DSG3: variants seen among roughly 807,000 people sequenced by gnomAD.
DSG3 encodes desmoglein 3, also known as desmoglein-3.
A neutral mutation model predicts 85.9 loss-of-function variants in DSG3; 63 were observed. The ratio of observed to expected loss-of-function variants is 0.73; its 90% CI spans 0.60 to 0.90. The LOEUF (loss-of-function observed/expected upper bound fraction) is 0.90, where lower values mean the gene tolerates loss of function less well. DSG3 is among the 40% of genes least tolerant of loss of function. The probability of loss-of-function intolerance (pLI) is 0.00; values close to 1 mark genes in which losing one functional copy is unlikely to be tolerated. For missense variants in DSG3, 1,220 were observed against 1,219.9 expected (o/e 1.00, Z 0.00); for synonymous variants, 447 against 441.9 (o/e 1.01, Z -0.14).
chr18:31,476,514 C>A lies in DSG3; in HGVS notation c.*254C>A. The stretch of plus-strand genomic sequence containing the variant: ...TTCAAAACCCTAAAATCATATTCGC[C>A]AGGAAATTTTCCTAAACATTCTTAA... On this transcript the variant is annotated 3_prime_UTR_variant, in exon 16 of 16. Coordinates refer to ENST00000257189, the MANE Select transcript of DSG3 (RefSeq NM_001944.3). 2.7e-6 allele frequency: 1 copy of A among 365,988 alleles called. No individual in the cohort carries two copies. The allele number at this position is 365,988 out of a possible 1,614,324, so 22.7% of individuals were successfully genotyped here.
rs560542203 is a variant in DSG3, at chr18:31,460,725, T to G, written c.685-108T>G. The G allele has an allele frequency of 1.2e-5, 12 of 1,038,466 alleles. No homozygotes were observed. The South Asian group carries it at 1.9e-4, about 16-fold the overall frequency. 64.3% of individuals were successfully genotyped at this position (1,038,466 alleles called of 1,614,324 possible). A position where few individuals can be genotyped will look rare whatever the true frequency, so the allele number is the denominator to read the frequency against. On this transcript the variant is annotated intron_variant, in intron 6 of 15. Transcript: ENST00000257189. ...ACCATCCAGAGTCCCACAAATGTCT[T>G]CTACATAAAATTGAATATTTCTACC...
rs2072782133 is a variant in DSG3 at position 31,461,066 on chromosome 18, C to T, written c.813+105C>T. The stretch of plus-strand genomic sequence containing the variant: ...TTGGCTTTTATTTAAGTTCTCTGCA[C>T]TTATCTTTAAAGAAATATGCTTTTT... On this transcript the variant is annotated intron_variant, in intron 7 of 15. Transcript: ENST00000257189. The T allele has an allele frequency of 2.3e-6, 3 of 1,296,604 alleles. No homozygotes were observed. In the South Asian group the frequency reaches 5.0e-5, roughly 22 times the overall value. The allele number at this position is 1,296,604 out of a possible 1,614,324, so 80.3% of individuals were successfully genotyped here.
chr18:31,469,256 A>G lies in DSG3; in HGVS notation c.1804A>G (p.Thr602Ala), dbSNP rs1425421974. 1.2e-6 allele frequency: 2 copies of G among 1,613,978 alleles called. No homozygotes were observed. The highest frequency in any genetic ancestry group is 1.7e-6 in the Non-Finnish European group (2 of 1,180,020). ...CATCTGTGGAACTTCTTACCCAACC[A>G]CAAGCCCTGGGACCAGGTATGGCAG... is the stretch of plus-strand genomic sequence containing the variant. ...RGICGTSYPT[T>A]SPGTRYGRPH... The change falls in exon 12 of 16, where the codon ACA becomes GCA. Residue 602 changes from threonine to alanine, a missense_variant. Transcript: ENST00000257189.
At position 31,476,143 on chromosome 18, in the gene DSG3, G is replaced by A; in HGVS notation, c.2883G>A (p.Val961=). Residue 961 remains valine, a synonymous_variant, in exon 16 of 16, where the codon GTG becomes GTA. Coordinates refer to ENST00000257189, the MANE Select transcript of DSG3 (RefSeq NM_001944.3). ...CACTTCTCACACAAAATGTGATAGT[G>A]ACAGAAAGGGTGATCTGTCCCATTT... ...FDPLLTQNVI[V]TERVICPISS... 1 of 1,614,174 alleles carries A rather than the reference G, an allele frequency of 6.2e-7. No individual in the cohort carries two copies. The highest frequency in any genetic ancestry group is 2.2e-5 in the East Asian group (1 of 44,884).
intron 3 of DSG3, among the ~76,000 whole-genome samples, chr18:31,457,551 T>TTCTTTC (rs2072752312): frequency 1.1e-4 from 12 of 110,238 alleles, no homozygotes; most frequent in African/African-American, 3.5e-4. Flanking sequence ...TTCTTTCTCT[T>TTCTTTC]TCTTTCTTTC....
intron 1 of DSG3, among the ~76,000 whole-genome samples, 185 bp from the exon 2 acceptor site, chr18:31,456,255 A>G (rs556434559): frequency 6.6e-6 from 1 of 152,346 alleles, no homozygotes; most frequent in African/African-American, 2.4e-5. Context: ...GTTTATATTG[A>G]CAGTAATATT....
chr18:31,476,338 A>C lies in DSG3; in HGVS notation c.*78A>C. 2.7e-6 allele frequency: 4 copies of C among 1,503,446 alleles called. No individual in the cohort carries two copies. Among genetic ancestry groups the C allele is most frequent in the Non-Finnish European group, 3.6e-6 (4 of 1,119,214 alleles). The allele number at this position is 1,503,446 out of a possible 1,614,324, so 93.1% of individuals were successfully genotyped here. ...TATTCAAAATAGCATAGCAAAGCTC[A>C]CTGTATTGGGCTAATAATTTGGCAC... is the stretch of plus-strand genomic sequence containing the variant. On this transcript the variant is annotated 3_prime_UTR_variant, in exon 16 of 16. Transcript: ENST00000257189.
chr18:31,478,428 G>C lies in DSG3; in HGVS notation c.*2168G>C, dbSNP rs2144255211. 1 of 152,152 alleles carries C rather than the reference G, an allele frequency of 6.6e-6. No individual in the cohort carries two copies. The highest frequency in any genetic ancestry group is 6.5e-5 in the Admixed American group (1 of 15,292). 9.4% of individuals were successfully genotyped at this position (152,152 alleles called of 1,614,324 possible). A position where few individuals can be genotyped will look rare whatever the true frequency, so the allele number is the denominator to read the frequency against. ...TTTTGCTGCATTGTTAAACTGTAGT[G>C]GAAACCATGCTATAGTAATAAAGGT... On this transcript the variant is annotated 3_prime_UTR_variant, in exon 16 of 16. Transcript: ENST00000257189.
intron 1 of DSG3, among the ~76,000 whole-genome samples, chr18:31,451,177 C>T (rs2072709756): frequency 6.6e-6 from 1 of 152,176 alleles, no homozygotes; most frequent in African/African-American, 2.4e-5. Flanking sequence ...AAATGCTTAT[C>T]TTCAGAGATT....
chr18:31,464,499 C>A, intron 9 of DSG3, 117 bp downstream of exon 9: 1 of 1,143,204 alleles, frequency 8.7e-7, no homozygotes, highest in East Asian at 2.7e-5. Context: ...TGATTAAAAA[C>A]AAGAAACTGG....
chr18:31,476,225 C>T lies in DSG3; in HGVS notation c.2965C>T (p.Leu989Phe). The change falls in exon 16 of 16, where the codon CTC becomes TTC. Residue 989 changes from leucine (L) to phenylalanine (F), a missense_variant. Coordinates refer to ENST00000257189, the MANE Select transcript of DSG3 (RefSeq NM_001944.3). Reference protein sequence around the residue: ...PTQLRGSHTMLCTEDPCSRLI With the variant: ...PTQLRGSHTMFCTEDPCSRLI ...GCAGCTACGAGGGTCACATACTATG[C>T]TCTGTACAGAGGATCCTTGCTCCCG... The T allele has an allele frequency of 1.2e-6, 2 of 1,613,746 alleles. No individual in the cohort carries two copies. Among genetic ancestry groups the T allele is most frequent in the Middle Eastern group, 1.6e-4 (1 of 6,062 alleles).
chr18:31,460,281 T>C (rs1411656010), intron 6 of DSG3, among the ~76,000 whole-genome samples: 3 of 152,168 alleles, frequency 2.0e-5, no homozygotes, highest in African/African-American at 4.8e-5. Flanking sequence ...TAGACATACA[T>C]GGACAAAGAT....
Position 31,464,304 on chromosome 18 carries a change from G to C in DSG3, c.1193G>C (p.Ser398Thr). Residue 398 changes from serine to threonine, a missense_variant, in exon 9 of 16, where the codon AGC (serine) becomes ACC (threonine). Physicochemically the swap from Ser to Thr is moderately conservative, Grantham distance 58. Transcript: ENST00000257189. The stretch of plus-strand genomic sequence containing the variant: ...TTTACTGTGCAAAAAGGCATAAGTA[G>C]CAAAAAATTGGTGGATTATATCCTG... ...KTFTVQKGIS[S>T]KKLVDYILGT... The C allele has an allele frequency of 6.2e-7, 1 of 1,614,066 alleles. No homozygotes were observed. Among genetic ancestry groups the C allele is most frequent in the East Asian group, 2.2e-5 (1 of 44,868 alleles).
In DSG3 at chr18:31,474,355, A is replaced by T; in HGVS notation, c.2336A>T (p.Tyr779Phe). 1 of 1,614,048 alleles carries T rather than the reference A, an allele frequency of 6.2e-7. No homozygotes were observed. The highest frequency in any genetic ancestry group is 8.5e-7 in the Non-Finnish European group (1 of 1,179,922). ...TCCACTGGAGGAACCAATAAGGACT[A>T]CGCTGATGGGGCGATAAGCATGAAT... Reference protein sequence around the residue: ...RHSTGGTNKDYADGAISMNFL... With the variant: ...RHSTGGTNKDFADGAISMNFL... The change falls in exon 15 of 16, where the codon TAC becomes TTC. Residue 779 changes from tyrosine to phenylalanine, a missense_variant. Tyr to Phe is a conservative substitution (Grantham distance 22). Transcript: ENST00000257189.
chr18:31,464,086 C>A, intron 8 of DSG3, 25 bp from the exon 9 acceptor site: 1 of 1,598,942 alleles, frequency 6.3e-7, no homozygotes, highest in Middle Eastern at 1.7e-4. Flanking sequence ...TGTGAAACTG[C>A]CTTCTAATTT....
At chr18:31,452,183 T>C (rs1242145293) in intron 1 of DSG3, among the ~76,000 whole-genome samples, 1 of 152,148 alleles carries the variant, frequency 6.6e-6, no homozygotes, top group Non-Finnish European at 1.5e-5. Context: ...AGAACAATCT[T>C]ATGCACCTTG....
chr18:31,464,722 C>A (rs1405155409), intron 9 of DSG3, among the ~76,000 whole-genome samples: 1 of 152,092 alleles, frequency 6.6e-6, no homozygotes, highest in Non-Finnish European at 1.5e-5. Context: ...TCATATAAAA[C>A]AGCACTTACA....
intron 12 of DSG3, among the ~76,000 whole-genome samples, chr18:31,471,480 G>A (rs928820019): frequency 5.9e-5 from 9 of 152,170 alleles, no homozygotes; most frequent in African/African-American, 1.9e-4. Flanking sequence ...GAGGCTGCAT[G>A]CTTAAACCCC....
intron 12 of DSG3, 149 bp from the exon 13 acceptor site, chr18:31,472,135 T>A: frequency 9.8e-7 from 1 of 1,023,580 alleles, no homozygotes; most frequent in Admixed American, 2.4e-5. Context: ...CCAAGTTTCA[T>A]TTGTAGAAAC....
Sources: allele counts gnomAD v4.1 joint callset (sites outside exome capture counted in the v4.1 genomes callset), GRCh38; gene constraint gnomAD v4.1.1; transcripts MANE v1.5; gene names NCBI Gene and HGNC (gene_info 2026-07-23, HGNC 2026-07-21).